Variants in GSR observed in about 807,000 individuals in gnomAD.
GSR encodes the protein glutathione reductase, mitochondrial.
GSR carries 48 observed loss-of-function variants against 56.5 expected under a neutral mutation model. The ratio of observed to expected loss-of-function variants is 0.85; its 90% CI spans 0.67 to 1.08. The LOEUF (loss-of-function observed/expected upper bound fraction) is 1.08, where lower values mean the gene tolerates loss of function less well. GSR is among the 50% of genes least tolerant of loss of function. GSR has a pLI of 0.00. For missense variants in GSR, 694 were observed against 703.3 expected (o/e 0.99, Z 0.15); for synonymous variants, 264 against 270.8 (o/e 0.97, Z 0.25).
In GSR at chr8:30,727,530, G is replaced by C. The variant is rs187394555; in HGVS notation, c.306C>G (p.Cys102Trp). The change falls in exon 1 of 13, where the codon TGC becomes TGG. Residue 102 changes from cysteine to tryptophan, a missense_variant and splice_region_variant. Coordinates refer to ENST00000221130, the MANE Select transcript of GSR (RefSeq NM_000637.5). ...GCCCGAACAAACCGGCGGTACTCACGCAAGTGCCACCCAGCTTGTGGCTCT... is the reference window on the plus strand; with the variant it reads ...GCCCGAACAAACCGGCGGTACTCACCCAAGTGCCACCCAGCTTGTGGCTCT... ...VVESHKLGGTCVNVGCVPKKV... is the reference protein window; with the variant it reads ...VVESHKLGGTWVNVGCVPKKV... The C allele has an allele frequency of 5.2e-6, 8 of 1,537,010 alleles. No individual in the cohort carries two copies. Among genetic ancestry groups the C allele is most frequent in the Admixed American group, 4.0e-5 (2 of 50,584 alleles).
intron 2 of GSR, among the ~76,000 whole-genome samples, chr8:30,711,672 A>G (rs887425098): frequency 2.6e-5 from 4 of 152,036 alleles, no homozygotes; most frequent in Admixed American, 1.3e-4. Context: ...ATCTCTACTA[A>G]AAATACAAAA....
intron 9 of GSR, among the ~76,000 whole-genome samples, chr8:30,686,664 C>T (rs1309960285): frequency 6.6e-6 from 1 of 152,036 alleles, no homozygotes; most frequent in African/African-American, 2.4e-5. Context: ...CACTGTACTC[C>T]AGCCTAGGTG....
At chr8:30,698,079 C>T (rs768097422) in intron 6 of GSR, among the ~76,000 whole-genome samples, 2 of 152,076 alleles carry the variant, frequency 1.3e-5, no homozygotes, top group Non-Finnish European at 2.9e-5. Flanking sequence ...CACAGTATTC[C>T]ACAAGGTTCA....
At chr8:30,708,184 C>G (rs1299399897) in intron 3 of GSR, 43 bp from the exon 4 acceptor site, 6 of 1,403,888 alleles carry the variant, frequency 4.3e-6, no homozygotes, top group Non-Finnish European at 5.1e-6. Context: ...AGGATCTTCC[C>G]CTTCTAGTTA....
intron 1 of GSR, among the ~76,000 whole-genome samples, chr8:30,721,148 GAAGAAGA>G (rs1321411355): frequency 5.7e-5 from 3 of 52,722 alleles, no homozygotes; most frequent in East Asian, 1.1e-3. Flanking sequence ...CATCCGGGGA[GAAGAAGA>G]AAGAGTTTTG....
In GSR at chr8:30,708,059, C is replaced by T. The variant is rs1373036522; in HGVS notation, c.492+13G>A. On this transcript the variant is annotated intron_variant, in intron 4 of 12. Coordinates refer to ENST00000221130, the MANE Select transcript of GSR (RefSeq NM_000637.5). ...ACAGCTCTTTCTCAAAGTTAAAAACCCAGCATACACACCTTGGTGAGATTG... is the reference window on the plus strand; with the variant it reads ...ACAGCTCTTTCTCAAAGTTAAAAACTCAGCATACACACCTTGGTGAGATTG... 6 of 1,596,686 alleles carry T rather than the reference C, an allele frequency of 3.8e-6. No individual in the cohort carries two copies. In the African/African-American group the frequency reaches 8.1e-5, roughly 21 times the overall value.
At chr8:30,683,306 T>C (rs1381389688) in intron 10 of GSR, among the ~76,000 whole-genome samples, 2 of 152,208 alleles carry the variant, frequency 1.3e-5, no homozygotes, top group East Asian at 3.9e-4. Context: ...CTGGTGTAGG[T>C]TTTCATCCTG....
In GSR at chr8:30,700,723, C is replaced by CCAAAAAAAA. The variant is rs574290557; in HGVS notation, c.641-589_641-588insTTTTTTTTG. Reference sequence around the variant, plus strand: ...TGGGAACAGAGCAAGATTTTGTCTCCAAAAAAAAAAAAAAAAAAAAAAAAA... The same window carrying CCAAAAAAAA: ...TGGGAACAGAGCAAGATTTTGTCTCCCAAAAAAAAAAAAAAAAAAAAAAAAAAAAAAAAA... On this transcript the variant is annotated intron_variant, in intron 5 of 12. Transcript: ENST00000221130. Among the ~76,000 whole-genome samples the CCAAAAAAAA allele has an allele frequency of 1.7e-4, 14 of 80,056 alleles. 1 individual carries two copies. The highest frequency in any genetic ancestry group is 1.8e-4 in the African/African-American group (4 of 22,186). The allele number at this position is 80,056 out of a possible 152,430, so 52.5% of individuals were successfully genotyped here.
chr8:30,700,534 G>T (rs1478709754), intron 5 of GSR, among the ~76,000 whole-genome samples: 3 of 151,770 alleles, frequency 2.0e-5, no homozygotes, highest in African/African-American at 7.3e-5. Context: ...ATGTGGCCTG[G>T]CCAACGTGGT....
intron 7 of GSR, among the ~76,000 whole-genome samples, chr8:30,693,734 G>T (rs1039234406): frequency 3.3e-5 from 5 of 152,064 alleles, no homozygotes; most frequent in Non-Finnish European, 7.4e-5. Flanking sequence ...TCGCCATGTC[G>T]GCCAGGCTGG....
chr8:30,697,760 C>G (rs1803599537), intron 6 of GSR, among the ~76,000 whole-genome samples: 1 of 152,190 alleles, frequency 6.6e-6, no homozygotes. Context: ...CCCTATGTTG[C>G]CCAGGCTGGT....
At chr8:30,716,183 G>A (rs1017415769) in intron 1 of GSR, among the ~76,000 whole-genome samples, 1 of 152,212 alleles carries the variant, frequency 6.6e-6, no homozygotes, top group East Asian at 1.9e-4. Flanking sequence ...GTGCCAGCCA[G>A]AGAGAGGCTC....
chr8:30,711,186 T>C (rs1251563423), intron 2 of GSR, among the ~76,000 whole-genome samples: 7 of 152,196 alleles, frequency 4.6e-5, no homozygotes, highest in Non-Finnish European at 5.9e-5. Flanking sequence ...ATTAGGAGAT[T>C]TGCTTATATA....
rs71206274 is a variant in GSR at position 30,685,985 on chromosome 8, C to CAAAAAAAAAA, written c.1042-1796_1042-1787dup. On this transcript the variant is annotated intron_variant, in intron 9 of 12. Coordinates refer to ENST00000221130, the MANE Select transcript of GSR (RefSeq NM_000637.5). ...TGGGCAACAGAAAGAGACTCTGCCT[C>CAAAAAAAAAA]AAAAAAAAAAAAAAAAAAAAAAAAA... 9.4e-4 allele frequency among the ~76,000 whole-genome samples: 35 copies of CAAAAAAAAAA among 37,238 alleles called. 2 individuals carry two copies. Among genetic ancestry groups the CAAAAAAAAAA allele is most frequent in the African/African-American group, 3.6e-3 (32 of 8,812 alleles). 24.4% of individuals were successfully genotyped at this position (37,238 alleles called of 152,430 possible).
rs1416199138 is a variant in GSR at position 30,689,253 on chromosome 8, G to C, written c.949C>G (p.Leu317Val). Reference protein sequence around the residue: ...VSMVTAVPGRLPVMTMIPDVD... With the variant: ...VSMVTAVPGRVPVMTMIPDVD... ...TCTGGAATCATGGTCATGACTGGTA[G>C]CCTACCGGGAACTGCAGTAACCATG... Residue 317 changes from leucine to valine, a missense_variant, in exon 9 of 13, where the codon CTA becomes GTA. Transcript: ENST00000221130. 6.2e-7 allele frequency: 1 copy of C among 1,613,552 alleles called. No individual in the cohort carries two copies. Among genetic ancestry groups the C allele is most frequent in the Non-Finnish European group, 8.5e-7 (1 of 1,179,536 alleles).
intron 1 of GSR, among the ~76,000 whole-genome samples, chr8:30,719,841 C>T (rs1354713483): frequency 2.0e-5 from 3 of 152,160 alleles, no homozygotes; most frequent in African/African-American, 7.2e-5. Context: ...AGAAACTTCA[C>T]ATTGCCCATG....
At position 30,680,686 on chromosome 8, in the gene GSR, C is replaced by T. The variant is rs533225973; in HGVS notation, c.1419+218G>A. 9.9e-5 allele frequency among the ~76,000 whole-genome samples: 15 copies of T among 152,146 alleles called. No homozygotes were observed. The South Asian group carries it at 1.2e-3, about 13-fold the overall frequency. Reference sequence around the variant, plus strand: ...CTGGGATTACAGGTGTGAGCCACCACGCCTGGCATCGTCTTTATTTTTTAA... The same window carrying T: ...CTGGGATTACAGGTGTGAGCCACCATGCCTGGCATCGTCTTTATTTTTTAA... On this transcript the variant is annotated intron_variant, in intron 12 of 12. Coordinates refer to ENST00000221130, the MANE Select transcript of GSR (RefSeq NM_000637.5).
At chr8:30,701,635 C>CAA (rs35866797) in intron 5 of GSR, among the ~76,000 whole-genome samples, 2 of 149,848 alleles carry the variant, frequency 1.3e-5, no homozygotes, top group Non-Finnish European at 3.0e-5. Context: ...ACTAAAAATA[C>CAA]AAAAAAAATT....
At chr8:30,716,403 A>C (rs888336820) in intron 1 of GSR, among the ~76,000 whole-genome samples, 1 of 152,224 alleles carries the variant, frequency 6.6e-6, no homozygotes, top group African/African-American at 2.4e-5. Flanking sequence ...CCACTGTCCT[A>C]TTTTGCCAGC....
Sources: gnomAD v4.1 joint callset for allele counts (sites outside exome capture counted in the v4.1 genomes callset) on GRCh38, gnomAD v4.1.1 for gene constraint, MANE v1.5 for transcripts, NCBI Gene and HGNC (gene_info 2026-07-23, HGNC 2026-07-21) for gene names.